TLCD5: variants seen among roughly 807,000 people sequenced by gnomAD.
TLCD5 encodes TLC domain-containing protein 5.
Under a neutral mutation model 20.5 loss-of-function variants are expected in TLCD5, and 15 were observed. The observed-to-expected ratio is 0.73, with a 90% CI of 0.49 to 1.13. The LOEUF (loss-of-function observed/expected upper bound fraction) is 1.13, where lower values mean the gene tolerates loss of function less well. Among genes scored for constraint, TLCD5 ranks in the 50% most tolerant of loss-of-function variants. TLCD5 has a pLI of 0.00. For synonymous variants in TLCD5, 107 were observed against 114.7 expected, an observed-to-expected ratio of 0.93 and a Z score of 0.43; for missense variants, 289 against 305.6, an observed-to-expected ratio of 0.95 and a Z score of 0.41.
Position 120,327,428 on chromosome 11 carries a change from C to G in TLCD5, c.-1-13C>G, listed in dbSNP as rs1212592528. 1.2e-6 allele frequency: 2 copies of G among 1,614,178 alleles called. No homozygotes were observed. The highest frequency in any genetic ancestry group is 2.2e-5 in the South Asian group (2 of 91,086). On this transcript the variant is annotated splice_polypyrimidine_tract_variant and intron_variant, in intron 1 of 2. Coordinates refer to ENST00000375095, the MANE Select transcript of TLCD5 (RefSeq NM_001198671.2). ...CATCCTTTGTTTTTCTGGTTTTGGTCTTTTCATCACAGGATGGCATTAGCT... is the reference window on the plus strand; with the variant it reads ...CATCCTTTGTTTTTCTGGTTTTGGTGTTTTCATCACAGGATGGCATTAGCT...
rs779191682 is a variant in TLCD5 at position 120,330,051 on chromosome 11, T to G, written c.274T>G (p.Cys92Gly). ...CTACTTCATCTTCGACTTGGGCTGG[T>G]GCGTCTACTTTCAGTCTGAGGGTGC... ...LGYFIFDLGW[C>G]VYFQSEGALM... Residue 92 changes from cysteine to glycine, a missense_variant, in exon 3 of 3, where the codon TGC (cysteine) becomes GGC (glycine). Transcript: ENST00000375095. 13 of 1,614,218 alleles carry G rather than the reference T, an allele frequency of 8.1e-6. No homozygotes were observed. The highest frequency in any genetic ancestry group is 1.1e-5 in the Non-Finnish European group (13 of 1,180,034).
At chr11:120,325,560 C>T (rs1426942246) in intron 1 of TLCD5, among the ~76,000 whole-genome samples, 192 bp downstream of exon 1, 2 of 152,058 alleles carry the variant, frequency 1.3e-5, no homozygotes, top group African/African-American at 4.8e-5. Context: ...GTGCCTGGCT[C>T]CGGCTCTTGG....
In TLCD5 at chr11:120,331,433, C is replaced by G. The variant is rs556253065; in HGVS notation, c.*918C>G. On this transcript the variant is annotated 3_prime_UTR_variant, in exon 3 of 3. Transcript: ENST00000375095. This position sits in a 1 kb window ranked among gnomAD's most constrained non-coding sequence, Gnocchi z 4.5. ...ACTGAGGACAGGTCATCTAGGCAGG[C>G]TTTCCCTGGCAGATAGCAAAATTCA... 6.6e-6 allele frequency: 1 copy of G among 152,352 alleles called. No individual in the cohort carries two copies. The highest frequency in any genetic ancestry group is 2.4e-5 in the African/African-American group (1 of 41,574). 9.4% of individuals were successfully genotyped at this position (152,352 alleles called of 1,614,324 possible).
At chr11:120,325,425 T>C (rs1941970203) in intron 1 of TLCD5, 57 bp downstream of exon 1, 1 of 149,838 alleles carries the variant, frequency 6.7e-6, no homozygotes, top group Non-Finnish European at 1.5e-5. Context: ...GCGCGGCCCA[T>C]TGGTGGGGAA....
At position 120,327,596 on chromosome 11, in the gene TLCD5, C is replaced by T; in HGVS notation, c.155C>T (p.Ala52Val). Residue 52 changes from alanine (A) to valine (V), a missense_variant, in exon 2 of 3, where the codon GCT becomes GTT. Transcript: ENST00000375095. ...GGAGTCCTCTCTATAGGCCTCTCCGCTTATATTGGCTTCATTGATGGCCCA... is the reference window on the plus strand; with the variant it reads ...GGAGTCCTCTCTATAGGCCTCTCCGTTTATATTGGCTTCATTGATGGCCCA... ...THGVLSIGLSAYIGFIDGPWP... is the reference protein window; with the variant it reads ...THGVLSIGLSVYIGFIDGPWP... 3 of 1,614,180 alleles carry T rather than the reference C, an allele frequency of 1.9e-6. No homozygotes were observed. The highest frequency in any genetic ancestry group is 2.5e-6 in the Non-Finnish European group (3 of 1,180,046).
At chr11:120,326,558 G>A (rs1942005544) in intron 1 of TLCD5, among the ~76,000 whole-genome samples, 1 of 152,198 alleles carries the variant, frequency 6.6e-6, no homozygotes. Flanking sequence ...TTTCAATGGA[G>A]GAGCTAATGA....
intron 2 of TLCD5, among the ~76,000 whole-genome samples, chr11:120,329,306 G>T (rs113375110): frequency 1.1e-3 from 166 of 152,208 alleles, no homozygotes; most frequent in African/African-American, 3.9e-3. Context: ...AACTCCCCTG[G>T]AATATAATTT....
chr11:120,328,678 A>AGTGTGTGTGTGTGTGT (rs36145001), intron 2 of TLCD5, among the ~76,000 whole-genome samples: 15 of 24,160 alleles, frequency 6.2e-4, no homozygotes, highest in African/African-American at 1.4e-3. Flanking sequence ...TAACAGTCAT[A>AGTGTGTGTGTGTGTGT]GTGTGTGTGT....
chr11:120,329,340 T>G (rs898039952), intron 2 of TLCD5, among the ~76,000 whole-genome samples: 3 of 152,222 alleles, frequency 2.0e-5, no homozygotes, highest in African/African-American at 7.2e-5. Flanking sequence ...TTAGCTTTTC[T>G]TACTGAATTT....
rs570767604 is a variant in TLCD5, at chr11:120,332,267, A to G, written c.*1752A>G. 2 of 152,292 alleles carry G rather than the reference A, an allele frequency of 1.3e-5. No homozygotes were observed. The highest frequency in any genetic ancestry group is 3.9e-4 in the East Asian group (2 of 5,178). 9.4% of individuals were successfully genotyped at this position (152,292 alleles called of 1,614,324 possible). A position where few individuals can be genotyped will look rare whatever the true frequency, so the allele number is the denominator to read the frequency against. Reference sequence around the variant, plus strand: ...TAAACCTATTGTGAATGAATGAAATACCCTGTAGTATATTTCATAAATACA... The same window carrying G: ...TAAACCTATTGTGAATGAATGAAATGCCCTGTAGTATATTTCATAAATACA... On this transcript the variant is annotated 3_prime_UTR_variant, in exon 3 of 3. Transcript: ENST00000375095. This position sits in a 1 kb window ranked among gnomAD's most constrained non-coding sequence, Gnocchi z 4.2.
intron 1 of TLCD5, chr11:120,327,130 T>C: frequency 1.9e-6 from 1 of 528,194 alleles, no homozygotes; most frequent in Non-Finnish European, 3.4e-6. Context: ...AGGTCAGTCA[T>C]CGCTAGAGGG....
rs112002619 is a variant in TLCD5, at chr11:120,330,270, G to C, written c.493G>C (p.Val165Leu). The change falls in exon 3 of 3, where the codon GTG (valine) becomes CTG (leucine). Residue 165 changes from valine to leucine, a missense_variant. Val to Leu is a conservative substitution (Grantham distance 32). Coordinates refer to ENST00000375095, the MANE Select transcript of TLCD5 (RefSeq NM_001198671.2). ...FTGDVVDFLFVALFTGVRIGV... is the reference protein window; with the variant it reads ...FTGDVVDFLFLALFTGVRIGV... ...TGGAGATGTAGTGGACTTCCTCTTT[G>C]TGGCTCTGTTCACAGGAGTGAGGAT... is the stretch of plus-strand genomic sequence containing the variant. 15 of 1,555,424 alleles carry C rather than the reference G, an allele frequency of 9.6e-6. No individual in the cohort carries two copies. Among genetic ancestry groups the C allele is most frequent in the Non-Finnish European group, 1.3e-5 (15 of 1,150,232 alleles).
chr11:120,328,678 AGTGTGT>A (rs36145001), intron 2 of TLCD5, among the ~76,000 whole-genome samples: 155 of 24,042 alleles, frequency 6.4e-3, no homozygotes, highest in Non-Finnish European at 7.6e-3. Flanking sequence ...TAACAGTCAT[AGTGTGT>A]GTGTGTGTGT....
rs185669971 is a variant in TLCD5 at position 120,330,216 on chromosome 11, C to T, written c.439C>T (p.Arg147Trp). The change falls in exon 3 of 3, where the codon CGG becomes TGG. Residue 147 changes from arginine (R) to tryptophan (W), a missense_variant. Transcript: ENST00000375095. The stretch of plus-strand genomic sequence containing the variant: ...CTTGCTACAGATGCGCTGGTTTCTC[C>T]GGGAAACAGGGCACTATCACAGTTT... ...NPLLQMRWFL[R>W]ETGHYHSFTG... 3.0e-5 allele frequency: 46 copies of T among 1,557,596 alleles called. No homozygotes were observed. The Admixed American group carries it at 6.0e-4, about 20-fold the overall frequency.
chr11:120,327,332 AT>A (rs1263269018), intron 1 of TLCD5, 108 bp from the exon 2 acceptor site: 1 of 1,565,254 alleles, frequency 6.4e-7, no homozygotes, highest in Non-Finnish European at 8.7e-7. Context: ...ATAAGGCAAT[AT>A]TTTTGAACTA....
intron 2 of TLCD5, among the ~76,000 whole-genome samples, chr11:120,328,014 T>C (rs909757716): frequency 3.9e-5 from 6 of 152,180 alleles, no homozygotes; most frequent in Non-Finnish European, 7.3e-5. Context: ...CATCTTTCCA[T>C]GTCTATGTTA....
intron 2 of TLCD5, among the ~76,000 whole-genome samples, chr11:120,328,591 C>A (rs910921086): frequency 6.1e-5 from 2 of 32,648 alleles, no homozygotes; most frequent in African/African-American, 2.0e-4. Flanking sequence ...TCCATGGTCT[C>A]CCCTCTGTGT....
rs1190046309 is a variant in TLCD5 at position 120,327,548 on chromosome 11, G to A, written c.107G>A (p.Cys36Tyr). The A allele has an allele frequency of 6.2e-7, 1 of 1,614,160 alleles. No individual in the cohort carries two copies. Among genetic ancestry groups the A allele is most frequent in the East Asian group, 2.2e-5 (1 of 44,892 alleles). The change falls in exon 2 of 3, where the codon TGC becomes TAC. Residue 36 changes from cysteine to tyrosine, a missense_variant. Physicochemically the swap from Cys to Tyr is radical, Grantham distance 194. Coordinates refer to ENST00000375095, the MANE Select transcript of TLCD5 (RefSeq NM_001198671.2). ...AAGCACCGAAGCTATGAGTGGAGCTGCCGCCTGGTCACCTTCACCCATGGA... is the reference window on the plus strand; with the variant it reads ...AAGCACCGAAGCTATGAGTGGAGCTACCGCCTGGTCACCTTCACCCATGGA... ...LNKHRSYEWS[C>Y]RLVTFTHGVL...
At chr11:120,325,399 G>C (rs546367071) in intron 1 of TLCD5, 31 bp downstream of exon 1, 2 of 152,272 alleles carry the variant, frequency 1.3e-5, no homozygotes, top group African/African-American at 4.8e-5. Flanking sequence ...GCCCGGCCGG[G>C]GTGGGCACGG....
Sources: gnomAD v4.1 joint callset for allele counts (sites outside exome capture counted in the v4.1 genomes callset) on GRCh38, gnomAD v4.1.1 for gene constraint, Gnocchi (gnomAD v3.1) non-coding constraint, MANE v1.5 for transcripts, NCBI Gene and HGNC (gene_info 2026-07-23, HGNC 2026-07-21) for gene names.